The following KIAA1549L variants were observed in gnomAD, a reference collection of about 807,000 sequenced individuals.
The protein encoded by KIAA1549L is UPF0606 protein KIAA1549L.
In KIAA1549L, 88 loss-of-function variants were observed where a neutral mutation model predicts 160.7. The observed-to-expected ratio is 0.55, with a 90% CI of 0.46 to 0.65. The LOEUF (loss-of-function observed/expected upper bound fraction) is 0.65. Ranked by LOEUF, KIAA1549L falls within the 30% of genes least tolerant of loss-of-function variation. The pLI, the probability that KIAA1549L is intolerant of heterozygous loss-of-function variation, is 0.00. For synonymous variants in KIAA1549L, 950 were observed against 976.7 expected (o/e 0.97, Z 0.51); for missense variants, 2,258 against 2,437.5 (o/e 0.93, Z 1.55).
At chr11:33,602,371 T>C (rs1428506205) in intron 13 of KIAA1549L, among the ~76,000 whole-genome samples, 2 of 152,238 alleles carry the variant, frequency 1.3e-5, no homozygotes, top group African/African-American at 4.8e-5. Context: ...TTCTTTGCCT[T>C]CCCAATGAAG....
Position 33,561,885 on chromosome 11 carries a change from G to C in KIAA1549L, c.4078+150G>C, listed in dbSNP as rs559143114. 363 of 626,512 alleles carry C rather than the reference G, an allele frequency of 5.8e-4. 4 individuals carry two copies. The South Asian group carries it at 6.0e-3, about 10-fold the overall frequency. 38.8% of individuals were successfully genotyped at this position (626,512 alleles called of 1,614,324 possible). A position where few individuals can be genotyped will look rare whatever the true frequency, so the allele number is the denominator to read the frequency against. ...TACTTCTACAGGACCAGAAGTGAAT[G>C]GGGTAAGCTGAGATGAGAAAAGACA... is the stretch of plus-strand genomic sequence containing the variant. On this transcript the variant is annotated intron_variant, in intron 8 of 20. Coordinates refer to ENST00000658780, the MANE Select transcript of KIAA1549L (RefSeq NM_012194.3).
At chr11:33,644,038 T>G (rs1161716611) in intron 16 of KIAA1549L, among the ~76,000 whole-genome samples, 1 of 152,196 alleles carries the variant, frequency 6.6e-6, no homozygotes, top group African/African-American at 2.4e-5. Context: ...TGAAATGTCT[T>G]TGAGTTCTTG....
Position 33,435,792 on chromosome 11 carries a change from A to ATGTGTGTGTGTGTGTG in KIAA1549L, c.238+58904_238+58905insGTGTGTGTGTGTGTGT, listed in dbSNP as rs1433325636. On this transcript the variant is annotated intron_variant, in intron 1 of 20. Transcript: ENST00000658780. ...TATATATATATATATATATATATATATATATATATATATATATATGTGTGT... is the reference window on the plus strand; with the variant it reads ...TATATATATATATATATATATATATATGTGTGTGTGTGTGTGTATATATATATATATATATGTGTGT... 5.3e-3 allele frequency among the ~76,000 whole-genome samples: 69 copies of ATGTGTGTGTGTGTGTG among 13,046 alleles called. 4 individuals carry two copies. Among genetic ancestry groups the ATGTGTGTGTGTGTGTG allele is most frequent in the African/African-American group, 0.022 (51 of 2,342 alleles). The allele number at this position is 13,046 out of a possible 152,430, so 8.6% of individuals were successfully genotyped here.
intron 1 of KIAA1549L, among the ~76,000 whole-genome samples, chr11:33,506,259 G>A (rs930678620): frequency 6.6e-6 from 1 of 152,210 alleles, no homozygotes; most frequent in African/African-American, 2.4e-5. Context: ...GGGAGGGGAT[G>A]CCCAGTTTCC....
At chr11:33,627,789 G>A (rs1851161265) in intron 16 of KIAA1549L, among the ~76,000 whole-genome samples, 1 of 151,758 alleles carries the variant, frequency 6.6e-6, no homozygotes, top group Non-Finnish European at 1.5e-5. Context: ...ATTTCCTTCA[G>A]TTCTGCTCTG....
intron 16 of KIAA1549L, among the ~76,000 whole-genome samples, chr11:33,633,733 A>G (rs1851365081): frequency 6.6e-6 from 1 of 152,146 alleles, no homozygotes; most frequent in South Asian, 2.1e-4. Flanking sequence ...TGTGGTTTAT[A>G]TATTGTTCTT....
At chr11:33,382,007 G>T (rs762127946) in intron 1 of KIAA1549L, among the ~76,000 whole-genome samples, 6 of 152,198 alleles carry the variant, frequency 3.9e-5, no homozygotes, top group Admixed American at 1.3e-4. Context: ...GTTTATTCAA[G>T]TGGAGATGTC....
At chr11:33,429,326 C>T (rs1851185254) in intron 1 of KIAA1549L, among the ~76,000 whole-genome samples, 1 of 152,206 alleles carries the variant, frequency 6.6e-6, no homozygotes, top group Non-Finnish European at 1.5e-5. Context: ...ATTTGTATAT[C>T]TTCAGAGAAA....
intron 1 of KIAA1549L, among the ~76,000 whole-genome samples, chr11:33,484,031 C>A (rs1397501775): frequency 6.6e-6 from 1 of 152,160 alleles, no homozygotes; most frequent in African/African-American, 2.4e-5. Context: ...ATGCATATGG[C>A]TTTATTTGGG....
At chr11:33,533,404 C>G (rs1307317161) in intron 1 of KIAA1549L, among the ~76,000 whole-genome samples, 1 of 152,208 alleles carries the variant, frequency 6.6e-6, no homozygotes, top group Non-Finnish European at 1.5e-5. Flanking sequence ...GTGTCCAAAC[C>G]TGGCTAAGCA....
At chr11:33,667,093 A>G (rs1852484385) in intron 20 of KIAA1549L, among the ~76,000 whole-genome samples, 1 of 152,192 alleles carries the variant, frequency 6.6e-6, no homozygotes, top group Non-Finnish European at 1.5e-5. Context: ...GCTACTCAGG[A>G]GGCTGAGGCA....
At chr11:33,642,389 G>C (rs978210545) in intron 16 of KIAA1549L, among the ~76,000 whole-genome samples, 7 of 152,174 alleles carry the variant, frequency 4.6e-5, no homozygotes, top group Non-Finnish European at 5.9e-5. Context: ...TCAATTCTCA[G>C]CAAGGCAAGT....
At chr11:33,509,305 A>C (rs10836069) in intron 1 of KIAA1549L, among the ~76,000 whole-genome samples, 31,369 of 152,152 alleles carry the variant, frequency 0.21, 3,428 homozygotes, top group Admixed American at 0.27. Context: ...TAATTTGTGC[A>C]TTTTACCTCT....
Position 33,551,277 on chromosome 11 carries a change from A to G in KIAA1549L, c.3721+18A>G. ...AAAAACAGGCAAGTGACTCGGAAGG[A>G]AGGGATTTTCATCCATTCTTGGGTT... On this transcript the variant is annotated intron_variant, in intron 5 of 20. Transcript: ENST00000658780. 6.2e-7 allele frequency: 1 copy of G among 1,604,556 alleles called. No homozygotes were observed. Among genetic ancestry groups the G allele is most frequent in the South Asian group, 1.1e-5 (1 of 90,488 alleles).
chr11:33,426,097 G>T (rs1202097827), intron 1 of KIAA1549L, among the ~76,000 whole-genome samples: 1 of 152,182 alleles, frequency 6.6e-6, no homozygotes, highest in African/African-American at 2.4e-5. Context: ...AAGGACATTA[G>T]AGACAAAGTT....
intron 1 of KIAA1549L, among the ~76,000 whole-genome samples, chr11:33,462,045 G>A (rs545322266): frequency 4.6e-5 from 7 of 152,190 alleles, no homozygotes; most frequent in African/African-American, 1.7e-4. Flanking sequence ...AAGAGAGTGT[G>A]AATCATTTAG....
chr11:33,496,647 C>G (rs1852827162), intron 1 of KIAA1549L, among the ~76,000 whole-genome samples: 2 of 152,170 alleles, frequency 1.3e-5, no homozygotes, highest in Non-Finnish European at 1.5e-5. Context: ...CTTGCTTCCA[C>G]TCTTGACTTC....
At chr11:33,485,858 G>A (rs1852513762) in intron 1 of KIAA1549L, among the ~76,000 whole-genome samples, 1 of 146,358 alleles carries the variant, frequency 6.8e-6, no homozygotes, top group Non-Finnish European at 1.5e-5. Flanking sequence ...GACTTTATAT[G>A]TAAGTGAGAT....
At chr11:33,516,368 G>A (rs1356677329) in intron 1 of KIAA1549L, among the ~76,000 whole-genome samples, 1 of 17,402 alleles carries the variant, frequency 5.7e-5, no homozygotes, top group Non-Finnish European at 9.6e-5. Flanking sequence ...AGCCAGGATG[G>A]TCTCGATCTC....
Sources: allele counts gnomAD v4.1 joint callset (sites outside exome capture counted in the v4.1 genomes callset), GRCh38; gene constraint gnomAD v4.1.1; transcripts MANE v1.5; gene names NCBI Gene and HGNC (gene_info 2026-07-23, HGNC 2026-07-21).